MARCHF1: variants seen among roughly 807,000 people sequenced by gnomAD.
MARCHF1 encodes the protein E3 ubiquitin-protein ligase MARCHF1.
Under a neutral mutation model 54.2 loss-of-function variants are expected in MARCHF1, and 40 were observed. That is an observed-to-expected ratio of 0.74 (90% CI 0.57 to 0.96). The LOEUF (loss-of-function observed/expected upper bound fraction) is 0.96. Ranked by LOEUF, MARCHF1 falls within the 40% of genes least tolerant of loss-of-function variation. MARCHF1 has a pLI of 0.00. For synonymous variants in MARCHF1, 236 were observed against 236.3 expected, an observed-to-expected ratio of 1.00 and a Z score of 0.01; for missense variants, 586 against 656.5, an observed-to-expected ratio of 0.89 and a Z score of 1.17.
chr4:164,041,567 T>C (rs528556928), intron 2 of MARCHF1, among the ~76,000 whole-genome samples: 67 of 152,312 alleles, frequency 4.4e-4, no homozygotes, highest in African/African-American at 1.6e-3. Flanking sequence ...ACAAAAACCA[T>C]TATATTTTAG....
intron 3 of MARCHF1, among the ~76,000 whole-genome samples, chr4:163,929,952 A>ATAT (rs61285767): frequency 0.56 from 59,113 of 104,748 alleles, 15,482 homozygotes; most frequent in Admixed American, 0.66. Context: ...TATATTATAT[A>ATAT]TATTATATAT....
intron 1 of MARCHF1, among the ~76,000 whole-genome samples, chr4:164,204,924 T>C (rs1731563211): frequency 6.6e-6 from 1 of 152,244 alleles, no homozygotes; most frequent in Non-Finnish European, 1.5e-5. Context: ...TTGATGTCTC[T>C]GTACAATCAA....
chr4:163,600,551 C>A (rs1207489938), intron 7 of MARCHF1, among the ~76,000 whole-genome samples: 3 of 152,120 alleles, frequency 2.0e-5, no homozygotes, highest in Non-Finnish European at 4.4e-5. Flanking sequence ...ATGTGTGGAG[C>A]ATTTTGACAG....
At chr4:163,994,081 A>C (rs1441265708) in intron 2 of MARCHF1, among the ~76,000 whole-genome samples, 1 of 152,110 alleles carries the variant, frequency 6.6e-6, no homozygotes, top group Admixed American at 6.6e-5. Flanking sequence ...AAGGAGCAAA[A>C]TAGAAAAAAC....
chr4:164,155,425 C>A (rs904210646), intron 1 of MARCHF1, among the ~76,000 whole-genome samples: 10 of 152,052 alleles, frequency 6.6e-5, no homozygotes, highest in Non-Finnish European at 1.5e-4. Context: ...ATTCCACTAA[C>A]TTTACTGAAG....
At chr4:163,906,788 T>C (rs1751078075) in intron 3 of MARCHF1, among the ~76,000 whole-genome samples, 1 of 151,788 alleles carries the variant, frequency 6.6e-6, no homozygotes, top group Non-Finnish European at 1.5e-5. Flanking sequence ...TCTCTTGTCT[T>C]ATAGAGACTA....
At chr4:164,257,490 G>C (rs1197684598) in intron 1 of MARCHF1, among the ~76,000 whole-genome samples, 3 of 90,734 alleles carry the variant, frequency 3.3e-5, no homozygotes, top group African/African-American at 1.0e-4. Flanking sequence ...TAACACATTT[G>C]TTTTATATTT....
intron 3 of MARCHF1, among the ~76,000 whole-genome samples, chr4:163,895,883 C>T (rs1235846984): frequency 2.0e-5 from 3 of 152,100 alleles, no homozygotes; most frequent in South Asian, 2.1e-4. Flanking sequence ...TTTGCTCAGT[C>T]ATGCAGTAAG....
At chr4:163,755,621 CTTT>C (rs35127585) in intron 4 of MARCHF1, among the ~76,000 whole-genome samples, 7 of 144,508 alleles carry the variant, frequency 4.8e-5, no homozygotes, top group East Asian at 4.0e-4. Context: ...GCAAAGATCC[CTTT>C]TTTTTTTTTT....
intron 4 of MARCHF1, among the ~76,000 whole-genome samples, chr4:163,729,526 T>C (rs1745766917): frequency 6.6e-6 from 1 of 152,114 alleles, no homozygotes; most frequent in Admixed American, 6.5e-5. Context: ...CTCCACTTAT[T>C]TAATAGATAC....
At chr4:164,176,941 G>GCGCTCTCTCT (rs1440878007) in intron 1 of MARCHF1, among the ~76,000 whole-genome samples, 5 of 58,188 alleles carry the variant, frequency 8.6e-5, no homozygotes, top group South Asian at 1.4e-3. Context: ...TACCTTGTGC[G>GCGCTCTCTCT]CTCTCTCTCT....
intron 5 of MARCHF1, among the ~76,000 whole-genome samples, chr4:163,685,297 C>T (rs1312242973): frequency 6.6e-6 from 1 of 151,924 alleles, no homozygotes; most frequent in East Asian, 1.9e-4. Context: ...AAATCTTAAA[C>T]ATGTGACAAG....
At chr4:163,826,791 A>C (rs1748860717) in intron 4 of MARCHF1, among the ~76,000 whole-genome samples, 1 of 152,072 alleles carries the variant, frequency 6.6e-6, no homozygotes, top group Non-Finnish European at 1.5e-5. Flanking sequence ...ATTTATGCTC[A>C]TCTCTGCATA....
intron 2 of MARCHF1, among the ~76,000 whole-genome samples, chr4:164,092,361 A>G (rs1407511716): frequency 1.3e-5 from 2 of 152,154 alleles, no homozygotes; most frequent in Admixed American, 1.3e-4. Flanking sequence ...ATCCCACACA[A>G]CACTGGTTTC....
At chr4:164,378,545 G>A in intron 1 of MARCHF1, among the ~76,000 whole-genome samples, 1 of 152,194 alleles carries the variant, frequency 6.6e-6, no homozygotes, top group East Asian at 1.9e-4. Context: ...TGGGCTGGGT[G>A]CGGTGGCTAC....
chr4:164,011,411 ACAACT>A (rs1753417951), intron 2 of MARCHF1, among the ~76,000 whole-genome samples: 2 of 152,186 alleles, frequency 1.3e-5, no homozygotes, highest in Admixed American at 6.5e-5. Context: ...AAAAGCTCAG[ACAACT>A]CAACAGACAA....
intron 4 of MARCHF1, among the ~76,000 whole-genome samples, chr4:163,831,167 C>T (rs1373070826): frequency 6.6e-6 from 1 of 152,090 alleles, no homozygotes; most frequent in Non-Finnish European, 1.5e-5. Flanking sequence ...GTTTTCTGCA[C>T]TGAACCCTTA....
intron 2 of MARCHF1, among the ~76,000 whole-genome samples, chr4:164,063,544 G>C (rs535757980): frequency 1.4e-4 from 21 of 152,272 alleles, no homozygotes; most frequent in South Asian, 4.1e-4. Context: ...TCCTAAATGG[G>C]AAAATTTGTA....
chr4:164,349,694 G>A (rs1341595114), intron 1 of MARCHF1, among the ~76,000 whole-genome samples: 2 of 152,074 alleles, frequency 1.3e-5, no homozygotes, highest in Admixed American at 1.3e-4. Flanking sequence ...TACTTACAAG[G>A]ATATTTATCA....
Sources: allele counts gnomAD v4.1 joint callset (sites outside exome capture counted in the v4.1 genomes callset), GRCh38; gene constraint gnomAD v4.1.1; transcripts MANE v1.5; gene names NCBI Gene and HGNC (gene_info 2026-07-23, HGNC 2026-07-21).